The following MFSD6 variants were observed in gnomAD, a reference collection of about 807,000 sequenced individuals.
MFSD6 encodes the protein major facilitator superfamily domain containing 6.
Under a neutral mutation model 56.3 loss-of-function variants are expected in MFSD6, and 26 were observed. The ratio of observed to expected loss-of-function variants is 0.46; its 90% CI spans 0.34 to 0.64. MFSD6 has a LOEUF of 0.64. MFSD6 is among the 30% of genes least tolerant of loss of function. The pLI is 0.01. For synonymous variants in MFSD6, 331 were observed against 366.9 expected, an observed-to-expected ratio of 0.90 and a Z score of 1.12; for missense variants, 750 against 986.2, an observed-to-expected ratio of 0.76 and a Z score of 3.21.
intron 3 of MFSD6, among the ~76,000 whole-genome samples, chr2:190,452,162 C>T (rs1365053129): frequency 6.6e-6 from 1 of 151,644 alleles, no homozygotes; most frequent in African/African-American, 2.4e-5. Context: ...GTTTAAAAAT[C>T]TCCAATCGCT....
rs1409027069 is a variant in MFSD6 at position 190,437,502 on chromosome 2, G to A, written c.1473G>A (p.Val491=). 3 of 1,614,210 alleles carry A rather than the reference G, an allele frequency of 1.9e-6. No homozygotes were observed. Among genetic ancestry groups the A allele is most frequent in the Non-Finnish European group, 2.5e-6 (3 of 1,180,032 alleles). ...GGGTCTGTTCAGTCCTGAGTCATGT[G>A]TCTGAGCTGACAGCATATTTTTTTA... ...LFGVCSVLSH[V]SELTAYFFSH... is the part of the protein sequence containing the mutation. The change falls in exon 3 of 8, where the codon GTG becomes GTA. Residue 491 remains valine (V), a synonymous_variant. Coordinates refer to ENST00000392328, the MANE Select transcript of MFSD6 (RefSeq NM_017694.4). The surrounding 1 kb of genome is among the most constrained non-coding windows in gnomAD (Gnocchi z 5.9).
At chr2:190,430,795 G>A (rs1340749682) in intron 2 of MFSD6, among the ~76,000 whole-genome samples, 1 of 150,778 alleles carries the variant, frequency 6.6e-6, no homozygotes, top group African/African-American at 2.4e-5. Flanking sequence ...GGCGGGCAGA[G>A]GCGCCCCCCC....
rs1205537404 is a variant in MFSD6 at position 190,436,525 on chromosome 2, A to G, written c.496A>G (p.Thr166Ala). 1.2e-6 allele frequency: 2 copies of G among 1,614,260 alleles called. No homozygotes were observed. The highest frequency in any genetic ancestry group is 1.7e-6 in the Non-Finnish European group (2 of 1,180,042). Residue 166 changes from threonine (T) to alanine (A), a missense_variant, in exon 3 of 8, where the codon ACA (threonine) becomes GCA (alanine). Physicochemically the swap from Thr to Ala is moderately conservative, Grantham distance 58 (BLOSUM62 0). Coordinates refer to ENST00000392328, the MANE Select transcript of MFSD6 (RefSeq NM_017694.4). The surrounding 1 kb of genome is among the most constrained non-coding windows in gnomAD (Gnocchi z 5.3). Reference sequence around the variant, plus strand: ...GAGATGTGTACCAAAGATTCGCCCAACAACTCACCCCACCAATGCAAGTCA... The same window carrying G: ...GAGATGTGTACCAAAGATTCGCCCAGCAACTCACCCCACCAATGCAAGTCA... ...TLRCVPKIRP[T>A]THPTNASHQL...
intron 3 of MFSD6, among the ~76,000 whole-genome samples, chr2:190,452,958 A>G (rs909199976): frequency 6.6e-6 from 1 of 152,196 alleles, no homozygotes; most frequent in Non-Finnish European, 1.5e-5. Flanking sequence ...TGCTCATTCA[A>G]TATTTCTTTA....
chr2:190,476,526 A>T (rs1688326289), intron 4 of MFSD6, among the ~76,000 whole-genome samples: 1 of 152,208 alleles, frequency 6.6e-6, no homozygotes, highest in Admixed American at 6.5e-5. Flanking sequence ...ACCAATTAGA[A>T]TGGCAATCAT....
At chr2:190,444,694 T>C (rs904256304) in intron 3 of MFSD6, 9 of 154,540 alleles carry the variant, frequency 5.8e-5, no homozygotes, top group African/African-American at 1.9e-4. Context: ...ACTCCTGAAA[T>C]TGGATAATCA....
rs62181027 is a variant in MFSD6, at chr2:190,471,208, G to A, written c.1630+1353G>A. On this transcript the variant is annotated intron_variant, in intron 4 of 7. Transcript: ENST00000392328. This position sits in a 1 kb window ranked among gnomAD's most constrained non-coding sequence, Gnocchi z 4.7. ...TTTCTGCATTTCCAACTGAGGTACC[G>A]GGTTCATCTCACTGGGGATTGTCAG... Among the ~76,000 whole-genome samples the A allele has an allele frequency of 0.23, 35,519 of 152,032 alleles. 5,081 individuals carry two copies. Among genetic ancestry groups the A allele is most frequent in the South Asian group, 0.34 (1,618 of 4,810 alleles).
In MFSD6 at chr2:190,462,143, A is replaced by G. The variant is rs1687362754; in HGVS notation, c.1533-7615A>G. 6.6e-6 allele frequency among the ~76,000 whole-genome samples: 1 copy of G among 152,080 alleles called. No homozygotes were observed. The highest frequency in any genetic ancestry group is 2.1e-4 in the South Asian group (1 of 4,830). ...TGTCTCCTTCTTGGTTTGTTTTTGT[A>G]TTAATATAATGTGAATATGGATATG... On this transcript the variant is annotated intron_variant, in intron 3 of 7. Transcript: ENST00000392328. The surrounding 1 kb of genome is among the most constrained non-coding windows in gnomAD (Gnocchi z 5.7).
chr2:190,496,302 G>C lies in MFSD6; in HGVS notation c.1892-1137G>C. ...ATGTGATACCACCTTACTCCCACAAGAATGGCCATTATCAAATAATCAAAA... is the reference window on the plus strand; with the variant it reads ...ATGTGATACCACCTTACTCCCACAACAATGGCCATTATCAAATAATCAAAA... On this transcript the variant is annotated intron_variant, in intron 6 of 7. Transcript: ENST00000392328. This position sits in a 1 kb window ranked among gnomAD's most constrained non-coding sequence, Gnocchi z 4.7. 6.6e-6 allele frequency among the ~76,000 whole-genome samples: 1 copy of C among 152,156 alleles called. No individual in the cohort carries two copies. The highest frequency in any genetic ancestry group is 1.9e-4 in the East Asian group (1 of 5,198).
rs889237156 is a variant in MFSD6 at position 190,412,599 on chromosome 2, G to A, written c.-175-2693G>A. 1.0e-6 allele frequency: 1 copy of A among 985,080 alleles called. No homozygotes were observed. Among genetic ancestry groups the A allele is most frequent in the African/African-American group, 1.7e-5 (1 of 57,152 alleles). 61.0% of individuals were successfully genotyped at this position (985,080 alleles called of 1,614,324 possible). ...CACATCTGATGTCAATTCTGTGTGG[G>A]GCAATGAAAACACCTTAATGCCTCC... On this transcript the variant is annotated intron_variant, in intron 1 of 7. Coordinates refer to ENST00000392328, the MANE Select transcript of MFSD6 (RefSeq NM_017694.4). This position sits in a 1 kb window ranked among gnomAD's most constrained non-coding sequence, Gnocchi z 4.1.
intron 3 of MFSD6, among the ~76,000 whole-genome samples, chr2:190,466,309 G>A (rs1365335770): frequency 1.3e-5 from 2 of 152,168 alleles, no homozygotes; most frequent in African/African-American, 4.8e-5. Flanking sequence ...GCATACTATG[G>A]CAGTTTAAAT....
chr2:190,428,951 G>T (rs1173283871), intron 2 of MFSD6, among the ~76,000 whole-genome samples: 4 of 152,110 alleles, frequency 2.6e-5, no homozygotes, highest in Non-Finnish European at 5.9e-5. Context: ...GGGATTACAG[G>T]TGTGAGCCAC....
intron 4 of MFSD6, among the ~76,000 whole-genome samples, chr2:190,470,633 G>T (rs1687866819): frequency 6.6e-6 from 1 of 152,164 alleles, no homozygotes; most frequent in Non-Finnish European, 1.5e-5. Flanking sequence ...TCTGTGATTT[G>T]ATTATATACG....
chr2:190,469,996 G>A lies in MFSD6; in HGVS notation c.1630+141G>A, dbSNP rs1379643891. 1.7e-6 allele frequency: 1 copy of A among 597,680 alleles called. No homozygotes were observed. Among genetic ancestry groups the A allele is most frequent in the Non-Finnish European group, 2.9e-6 (1 of 348,640 alleles). The allele number at this position is 597,680 out of a possible 1,614,324, so 37.0% of individuals were successfully genotyped here. Reference sequence around the variant, plus strand: ...TGATTTTGAAGTGGTTGTTAAGGAAGAGATGACATCAGGAGGGATGGTTCC... The same window carrying A: ...TGATTTTGAAGTGGTTGTTAAGGAAAAGATGACATCAGGAGGGATGGTTCC... On this transcript the variant is annotated intron_variant, in intron 4 of 7. Transcript: ENST00000392328. This position sits in a 1 kb window ranked among gnomAD's most constrained non-coding sequence, Gnocchi z 5.3.
In MFSD6 at chr2:190,438,784, T is replaced by C. The variant is rs1686268000; in HGVS notation, c.1532+1223T>C. On this transcript the variant is annotated intron_variant, in intron 3 of 7. Coordinates refer to ENST00000392328, the MANE Select transcript of MFSD6 (RefSeq NM_017694.4). This position sits in a 1 kb window ranked among gnomAD's most constrained non-coding sequence, Gnocchi z 5.2. ...GAAATTAAAGAGGAGAAATAGACAATGACAAGATTTGACAATCCTTTATTT... is the reference window on the plus strand; with the variant it reads ...GAAATTAAAGAGGAGAAATAGACAACGACAAGATTTGACAATCCTTTATTT... Among the ~76,000 whole-genome samples, 1 of 152,240 alleles carries C rather than the reference T, an allele frequency of 6.6e-6. No homozygotes were observed. Among genetic ancestry groups the C allele is most frequent in the Non-Finnish European group, 1.5e-5 (1 of 68,038 alleles).
At chr2:190,407,977 G>C (rs1020529610), upstream of MFSD6, among the ~76,000 whole-genome samples, 3 of 152,230 alleles carry the variant, frequency 2.0e-5, no homozygotes, top group Non-Finnish European at 2.9e-5. The surrounding 1 kb of genome is among the most constrained non-coding windows in gnomAD (Gnocchi z 5.4). Context: ...GGTGCGGGGG[G>C]GTGGAGGGTG....
chr2:190,500,735 G>A lies in MFSD6; in HGVS notation c.*517G>A, dbSNP rs1689986019. The A allele has an allele frequency of 6.5e-6, 1 of 152,834 alleles. No individual in the cohort carries two copies. Among genetic ancestry groups the A allele is most frequent in the Non-Finnish European group, 1.5e-5 (1 of 68,570 alleles). The allele number at this position is 152,834 out of a possible 1,614,324, so 9.5% of individuals were successfully genotyped here. ...AAGTAACCAGATAAAAGTAGCACAT[G>A]TGCTTTTGTTAAAAATAAAGTTAAA... On this transcript the variant is annotated 3_prime_UTR_variant, in exon 8 of 8. Transcript: ENST00000392328. The surrounding 1 kb of genome is among the most constrained non-coding windows in gnomAD (Gnocchi z 5.3).
At chr2:190,480,281 C>T (rs1353427252) in intron 4 of MFSD6, among the ~76,000 whole-genome samples, 4 of 152,194 alleles carry the variant, frequency 2.6e-5, no homozygotes, top group African/African-American at 9.7e-5. Flanking sequence ...AAAGGCCATG[C>T]TTATACTTTT....
intron 3 of MFSD6, chr2:190,464,914 TGGGGGA>T: frequency 9.5e-6 from 6 of 633,512 alleles, no homozygotes; most frequent in Non-Finnish European, 1.1e-5. Flanking sequence ...TTGGTGGGGG[TGGGGGA>T]GGGTGGATTT....
Sources: allele counts gnomAD v4.1 joint callset (sites outside exome capture counted in the v4.1 genomes callset), GRCh38; gene constraint gnomAD v4.1.1; non-coding constraint Gnocchi (gnomAD v3.1); transcripts MANE v1.5; gene names NCBI Gene and HGNC (gene_info 2026-07-23, HGNC 2026-07-21).